Variants in DOCK1 observed in about 807,000 individuals in gnomAD.
DOCK1 encodes the protein dedicator of cytokinesis protein 1.
In DOCK1, 138 loss-of-function variants were observed where a neutral mutation model predicts 262.7. The ratio of observed to expected loss-of-function variants is 0.53; its 90% confidence interval spans 0.46 to 0.61. DOCK1 has a LOEUF of 0.61. Ranked by LOEUF, DOCK1 falls within the 20% of genes least tolerant of loss-of-function variation. The pLI, the probability that DOCK1 is intolerant of heterozygous loss-of-function variation, is 0.00. For synonymous variants in DOCK1, 866 were observed against 867.4 expected, an observed-to-expected ratio of 1.00 and a Z score of 0.03; for missense variants, 1,908 against 2,370.7, an observed-to-expected ratio of 0.80 and a Z score of 4.05.
intron 1 of DOCK1, among the ~76,000 whole-genome samples, chr10:126,932,514 A>T (rs1292776451): frequency 6.6e-6 from 1 of 152,220 alleles, no homozygotes; most frequent in Non-Finnish European, 1.5e-5. Context: ...GGAACACTGC[A>T]GCTGTGAGGT....
intron 47 of DOCK1, among the ~76,000 whole-genome samples, chr10:127,428,615 A>T (rs73388650): frequency 0.033 from 3,110 of 93,978 alleles, 119 homozygotes; most frequent in African/African-American, 0.12. Flanking sequence ...GGATTGTGCC[A>T]TGTGGATTGG....
intron 23 of DOCK1, among the ~76,000 whole-genome samples, chr10:127,078,932 G>A (rs2046735383): frequency 6.6e-6 from 1 of 152,126 alleles, no homozygotes; most frequent in South Asian, 2.1e-4. Context: ...TATTGCTGTT[G>A]TTTTTGTCTT....
chr10:127,070,446 G>T (rs2046161797), intron 23 of DOCK1, among the ~76,000 whole-genome samples: 3 of 151,740 alleles, frequency 2.0e-5, no homozygotes, highest in Admixed American at 6.6e-5. Flanking sequence ...TAGAGACAGG[G>T]TTTCACCACA....
chr10:126,926,421 G>A (rs61875484), intron 1 of DOCK1, among the ~76,000 whole-genome samples: 2 of 152,016 alleles, frequency 1.3e-5, no homozygotes, highest in African/African-American at 4.8e-5. Flanking sequence ...ACATTTTCCC[G>A]TAAGTATTTT....
chr10:127,176,277 T>G lies in DOCK1; in HGVS notation c.2847+48513T>G. 6.2e-7 allele frequency: 1 copy of G among 1,614,104 alleles called. No individual in the cohort carries two copies. The highest frequency in any genetic ancestry group is 8.5e-7 in the Non-Finnish European group (1 of 1,180,030). The stretch of plus-strand genomic sequence containing the variant: ...CCGCACCTGCAGGGCTTTGTTCCGT[T>G]TTTTAATCTGCCGGTTGGGGTCCAG... On this transcript the variant is annotated intron_variant, in intron 27 of 51. Transcript: ENST00000623213. This position sits in a 1 kb window ranked among gnomAD's most constrained non-coding sequence, Gnocchi z 4.4.
chr10:127,185,484 C>T (rs1279486997), intron 27 of DOCK1, among the ~76,000 whole-genome samples: 2 of 152,216 alleles, frequency 1.3e-5, no homozygotes, highest in Admixed American at 6.5e-5. Flanking sequence ...CGAGATTGCA[C>T]CACTGCACTC....
chr10:126,942,333 C>A (rs1437913779), intron 1 of DOCK1, among the ~76,000 whole-genome samples: 1 of 152,094 alleles, frequency 6.6e-6, no homozygotes, highest in African/African-American at 2.4e-5. Flanking sequence ...GATATTTGCT[C>A]ATTTTCTGAG....
At chr10:127,178,462 C>T (rs1047128976) in intron 27 of DOCK1, among the ~76,000 whole-genome samples, 20 of 152,156 alleles carry the variant, frequency 1.3e-4, no homozygotes, top group Admixed American at 1.3e-3. Context: ...GCACCGCTCC[C>T]TCCCAGTGTG....
At chr10:127,092,130 C>A (rs1454938555) in intron 23 of DOCK1, among the ~76,000 whole-genome samples, 1 of 152,206 alleles carries the variant, frequency 6.6e-6, no homozygotes, top group Non-Finnish European at 1.5e-5. Context: ...GCCAGAGCTG[C>A]TGTAGAATAG....
intron 44 of DOCK1, among the ~76,000 whole-genome samples, chr10:127,417,840 T>G (rs1377853513): frequency 6.6e-6 from 1 of 152,088 alleles, no homozygotes; most frequent in African/African-American, 2.4e-5. Context: ...CCTCCCAAAG[T>G]GCTAGGATTG....
At chr10:127,229,957 G>A (rs183939019) in intron 27 of DOCK1, among the ~76,000 whole-genome samples, 1 of 152,188 alleles carries the variant, frequency 6.6e-6, no homozygotes, top group Admixed American at 6.5e-5. Context: ...TTCTGGTTTT[G>A]ATTTGCATTT....
intron 1 of DOCK1, among the ~76,000 whole-genome samples, chr10:126,946,124 T>G (rs1444204524): frequency 1.3e-5 from 2 of 152,170 alleles, no homozygotes; most frequent in Non-Finnish European, 2.9e-5. Context: ...ATATATAACA[T>G]AGAATTTTCC....
chr10:127,430,302 G>C (rs1357205713), intron 47 of DOCK1, among the ~76,000 whole-genome samples: 1 of 152,128 alleles, frequency 6.6e-6, no homozygotes, highest in Admixed American at 6.5e-5. Flanking sequence ...CTCTTAACTG[G>C]GATCCATGAG....
rs117865567 is a variant in DOCK1 at position 127,174,241 on chromosome 10, C to T, written c.2847+46477C>T. 1.3e-4 allele frequency among the ~76,000 whole-genome samples: 20 copies of T among 152,266 alleles called. No individual in the cohort carries two copies. The East Asian group carries it at 3.3e-3, about 25-fold the overall frequency. ...GTGCACATCACATGAGGCAACAGGG[C>T]GCTGCCTCCGATGTTACCTCCAGTA... On this transcript the variant is annotated intron_variant, in intron 27 of 51. Transcript: ENST00000623213.
chr10:127,339,625 TTGTG>T (rs754796831), intron 30 of DOCK1, among the ~76,000 whole-genome samples: 51 of 139,502 alleles, frequency 3.7e-4, no homozygotes, highest in Middle Eastern at 3.9e-3. Context: ...GTGTGTGTGT[TTGTG>T]TGTGTGTGTG....
rs185396023 is a variant in DOCK1, at chr10:127,214,275, C to G, written c.2848-33733C>G. On this transcript the variant is annotated intron_variant, in intron 27 of 51. Coordinates refer to ENST00000623213, the MANE Select transcript of DOCK1 (RefSeq NM_001290223.2). ...CCAGTCCCTGAGTAGCTCCCCCCGC[C>G]CAGCTGTGCACGTCTTCTTCTTTGT... is the stretch of plus-strand genomic sequence containing the variant. Among the ~76,000 whole-genome samples the G allele has an allele frequency of 3.7e-3, 571 of 152,278 alleles. 6 individuals carry two copies. The highest frequency in any genetic ancestry group is 0.013 in the African/African-American group (538 of 41,550).
At chr10:127,026,750 A>G (rs1224597128) in intron 16 of DOCK1, among the ~76,000 whole-genome samples, 1 of 152,098 alleles carries the variant, frequency 6.6e-6, no homozygotes, top group African/African-American at 2.4e-5. Flanking sequence ...CCTCTCAAAC[A>G]TGGGCTCTTA....
chr10:127,306,000 C>CAT (rs2061859033), intron 29 of DOCK1, among the ~76,000 whole-genome samples: 1 of 149,192 alleles, frequency 6.7e-6, no homozygotes. Flanking sequence ...ACGTTTTATG[C>CAT]ATTTTTTTTC....
intron 27 of DOCK1, among the ~76,000 whole-genome samples, chr10:127,235,234 C>G (rs1215531339): frequency 6.6e-6 from 1 of 151,858 alleles, no homozygotes; most frequent in Non-Finnish European, 1.5e-5. Flanking sequence ...TTTTGACAGA[C>G]AATACAGTTG....
Sources: allele counts gnomAD v4.1 joint callset (sites outside exome capture counted in the v4.1 genomes callset), GRCh38; gene constraint gnomAD v4.1.1; non-coding constraint Gnocchi (gnomAD v3.1); transcripts MANE v1.5; gene names NCBI Gene and HGNC (gene_info 2026-07-23, HGNC 2026-07-21).